Variants in FRMPD4 observed in about 807,000 individuals in gnomAD.
FRMPD4 encodes FERM and PDZ domain-containing protein 4.
In FRMPD4, 22 loss-of-function variants were observed where a neutral mutation model predicts 94.1. The ratio of observed to expected loss-of-function variants is 0.23; its 90% CI spans 0.17 to 0.33. The LOEUF is 0.33. Among genes scored for constraint, FRMPD4 ranks in the 10% least tolerant of loss-of-function variants. FRMPD4 has a pLI of 1.00. For synonymous variants in FRMPD4, 631 were observed against 548.6 expected (o/e 1.15, Z -2.10); for missense variants, 1,111 against 1,339.9 (o/e 0.83, Z 2.67).
intron 5 of FRMPD4, among the ~76,000 whole-genome samples, chrX:12,680,802 C>G (rs1345943971): frequency 9.0e-6 from 1 of 110,787 alleles, no homozygotes; most frequent in Non-Finnish European, 1.9e-5. Context: ...CTACATATAG[C>G]TAGAGAGAGG....
chrX:12,039,732 G>A (rs1444025207), intron 3 of FRMPD4, among the ~76,000 whole-genome samples: 1 of 110,365 alleles, frequency 9.1e-6, no homozygotes, highest in Non-Finnish European at 1.9e-5. Flanking sequence ...CACTTTGGGA[G>A]GCCGAGGTGG....
intron 3 of FRMPD4, among the ~76,000 whole-genome samples, chrX:11,946,190 C>CT (rs953355557): frequency 3.6e-5 from 4 of 110,864 alleles, no homozygotes; most frequent in East Asian, 5.6e-4. Flanking sequence ...ATGTCTAATC[C>CT]TTTTTTTTGC....
chrX:12,611,133 T>C (rs1382158848), intron 3 of FRMPD4, among the ~76,000 whole-genome samples: 3 of 112,715 alleles, frequency 2.7e-5, no homozygotes, highest in Non-Finnish European at 1.9e-5. Context: ...TGGACTATGA[T>C]GCAATCGCCT....
intron 3 of FRMPD4, among the ~76,000 whole-genome samples, chrX:11,972,720 A>T (rs1178481798): frequency 8.9e-6 from 1 of 112,476 alleles, no homozygotes; most frequent in Non-Finnish European, 1.9e-5. Context: ...ATCAAATGAG[A>T]TTGATACATG....
intron 1 of FRMPD4, among the ~76,000 whole-genome samples, chrX:12,332,016 T>C (rs1212842138): frequency 3.0e-5 from 2 of 67,534 alleles, no homozygotes; most frequent in Non-Finnish European, 4.8e-5. Context: ...TTATATACTA[T>C]ATATAAATTA....
At chrX:11,911,087 A>C (rs1236727886) in intron 3 of FRMPD4, among the ~76,000 whole-genome samples, 4 of 112,428 alleles carry the variant, frequency 3.6e-5, no homozygotes, top group African/African-American at 1.3e-4. Context: ...AGGCTTTGCC[A>C]TCTCGATCTC....
chrX:12,472,363 C>G (rs1310434722), intron 1 of FRMPD4, among the ~76,000 whole-genome samples: 1 of 112,196 alleles, frequency 8.9e-6, no homozygotes, highest in Non-Finnish European at 1.9e-5. Flanking sequence ...TCATCTTGTT[C>G]TCCCCAAACG....
intron 1 of FRMPD4, among the ~76,000 whole-genome samples, chrX:12,240,575 A>C (rs2057118088): frequency 8.9e-6 from 1 of 112,284 alleles, no homozygotes; most frequent in Non-Finnish European, 1.9e-5. Context: ...CCCTCTCCCC[A>C]AGCTGTCATT....
At chrX:12,393,346 A>G (rs750000901) in intron 1 of FRMPD4, among the ~76,000 whole-genome samples, 2 of 112,387 alleles carry the variant, frequency 1.8e-5, no homozygotes, top group Non-Finnish European at 3.8e-5. Context: ...ATTCTTAGAC[A>G]TATTTTCATC....
intron 1 of FRMPD4, among the ~76,000 whole-genome samples, chrX:12,388,850 T>TATATATATACAC (rs1491368741): frequency 5.6e-4 from 41 of 73,444 alleles, no homozygotes; most frequent in African/African-American, 9.6e-4. Context: ...TATATATATA[T>TATATATATACAC]ACACACAATG....
At chrX:11,919,377 T>C (rs2054043300) in intron 3 of FRMPD4, among the ~76,000 whole-genome samples, 1 of 112,323 alleles carries the variant, frequency 8.9e-6, no homozygotes, top group Non-Finnish European at 1.9e-5. Context: ...CTGTTATGAA[T>C]CATTGGTAAG....
intron 3 of FRMPD4, among the ~76,000 whole-genome samples, chrX:11,892,294 G>C (rs1487033864): frequency 8.9e-6 from 1 of 112,051 alleles, no homozygotes; most frequent in African/African-American, 3.2e-5. Context: ...CGGCTTTCAT[G>C]CTCACAGAAA....
chrX:12,261,081 T>G (rs1202762018), intron 1 of FRMPD4, among the ~76,000 whole-genome samples: 1 of 111,454 alleles, frequency 9.0e-6, no homozygotes, highest in Non-Finnish European at 1.9e-5. Flanking sequence ...AGTACCGACC[T>G]AACATAGCAG....
chrX:12,198,127 G>T (rs2056587414), intron 1 of FRMPD4, among the ~76,000 whole-genome samples: 1 of 111,184 alleles, frequency 9.0e-6, no homozygotes, highest in Non-Finnish European at 1.9e-5. Context: ...TAATACTATG[G>T]GATTGATTTA....
intron 3 of FRMPD4, among the ~76,000 whole-genome samples, chrX:12,007,179 G>A (rs1179308335): frequency 9.0e-6 from 1 of 111,391 alleles, no homozygotes; most frequent in Non-Finnish European, 1.9e-5. Context: ...TCCATGCTGT[G>A]AGGGAGCCAA....
At chrX:12,554,186 TGTATA>T (rs1253386884) in intron 2 of FRMPD4, among the ~76,000 whole-genome samples, 2 of 112,496 alleles carry the variant, frequency 1.8e-5, no homozygotes, top group Admixed American at 9.4e-5. Flanking sequence ...AATCTGCATA[TGTATA>T]GTATAGTGTT....
At chrX:11,888,080 A>G (rs2053855749) in intron 3 of FRMPD4, among the ~76,000 whole-genome samples, 1 of 112,390 alleles carries the variant, frequency 8.9e-6, no homozygotes, top group African/African-American at 3.2e-5. Context: ...ATTCTTAACC[A>G]TTGAACTCAT....
chrX:11,931,519 A>G (rs1234897070), intron 3 of FRMPD4, among the ~76,000 whole-genome samples: 1 of 111,878 alleles, frequency 8.9e-6, no homozygotes, highest in East Asian at 2.8e-4. Flanking sequence ...TCTCTCCAGA[A>G]GGGCAGTGTG....
chrX:12,365,219 G>A (rs1177559839), intron 1 of FRMPD4, among the ~76,000 whole-genome samples: 1 of 111,681 alleles, frequency 9.0e-6, no homozygotes, highest in Non-Finnish European at 1.9e-5. Context: ...TGTTTGGAGA[G>A]GGTGGGAGAA....
Sources: allele counts gnomAD v4.1 joint callset (sites outside exome capture counted in the v4.1 genomes callset), GRCh38; gene constraint gnomAD v4.1.1; transcripts MANE v1.5; gene names NCBI Gene and HGNC (gene_info 2026-07-23, HGNC 2026-07-21).